The following NCR1 variants were observed in gnomAD, a reference collection of about 807,000 sequenced individuals.
The protein encoded by NCR1 is natural cytotoxicity triggering receptor 1.
In NCR1, 30 loss-of-function variants were observed where a neutral mutation model predicts 32.5. The ratio of observed to expected loss-of-function variants is 0.92; its 90% CI spans 0.69 to 1.25. The LOEUF (loss-of-function observed/expected upper bound fraction) is 1.25. Among genes scored for constraint, NCR1 ranks in the 50% most tolerant of loss-of-function variants. NCR1 has a pLI of 0.00. For missense variants in NCR1, 369 were observed against 380.7 expected (o/e 0.97, Z 0.26); for synonymous variants, 169 against 143.4 (o/e 1.18, Z -1.28).
intron 5 of NCR1, among the ~76,000 whole-genome samples, chr19:54,910,802 T>C (rs587742239): frequency 2.0e-5 from 3 of 152,218 alleles, no homozygotes; most frequent in South Asian, 2.1e-4. Context: ...AAATGGCAGC[T>C]AGCAATATTA....
At chr19:54,928,174 T>C in the NCR1 span, among the ~76,000 whole-genome samples, 84,099 of 151,686 alleles carry the variant, frequency 0.55, 23,532 homozygotes, top group East Asian at 0.72. Flanking sequence ...GAGCCCAGAT[T>C]GCGCCACTGC....
Position 54,907,512 on chromosome 19 carries a change from G to A in NCR1, c.355+705G>A, listed in dbSNP as rs1474640845. ...TTTTTTTTTTTTTAACAATATGGTT[G>A]TTTATTATTATTATCAAGTATTATA... On this transcript the variant is annotated intron_variant, in intron 3 of 6. Coordinates refer to ENST00000291890, the MANE Select transcript of NCR1 (RefSeq NM_004829.7). 2.1e-5 allele frequency among the ~76,000 whole-genome samples: 3 copies of A among 141,848 alleles called. No individual in the cohort carries two copies. The East Asian group carries it at 6.1e-4, about 29-fold the overall frequency. The allele number at this position is 141,848 out of a possible 152,430, so 93.1% of individuals were successfully genotyped here.
the NCR1 span, among the ~76,000 whole-genome samples, chr19:54,932,057 T>C: frequency 6.6e-6 from 1 of 152,146 alleles, no homozygotes; most frequent in Non-Finnish European, 1.5e-5. Flanking sequence ...ACATTCTACA[T>C]ATATAGGGGT....
chr19:54,936,121 C>T, the NCR1 span: 1 of 746,792 alleles, frequency 1.3e-6, no homozygotes, highest in Non-Finnish European at 2.4e-6. Context: ...GAGAGGCCGA[C>T]TCCCCCACAC....
chr19:54,917,322 A>C (rs1411839550), downstream of NCR1, among the ~76,000 whole-genome samples: 1 of 143,204 alleles, frequency 7.0e-6, no homozygotes, highest in Non-Finnish European at 1.5e-5. Flanking sequence ...AAAAAAAAAC[A>C]AAAACAAAAA....
intron 3 of NCR1, among the ~76,000 whole-genome samples, chr19:54,907,247 C>T (rs1477009173): frequency 6.6e-6 from 1 of 151,300 alleles, no homozygotes; most frequent in Non-Finnish European, 1.5e-5. Flanking sequence ...CCTCCACCTC[C>T]TGGGTTCAAG....
the NCR1 span, among the ~76,000 whole-genome samples, chr19:54,935,435 C>G: frequency 6.6e-6 from 1 of 152,070 alleles, no homozygotes; most frequent in Non-Finnish European, 1.5e-5. Flanking sequence ...GTGGTTCATG[C>G]CTGTAATCCT....
Position 54,906,351 on chromosome 19 carries a change from A to C in NCR1, c.70+17A>C, listed in dbSNP as rs1246550012. On this transcript the variant is annotated intron_variant, in intron 2 of 6. Transcript: ENST00000291890. ...CCCAGCAGCGTGAGTCCTTCCTTCA[A>C]AGCCCAGGGTCACTCTTCCGGATTC... 1 of 1,612,716 alleles carries C rather than the reference A, an allele frequency of 6.2e-7. No individual in the cohort carries two copies. Among genetic ancestry groups the C allele is most frequent in the Admixed American group, 1.7e-5 (1 of 60,004 alleles).
In NCR1 at chr19:54,913,003, T is replaced by A; in HGVS notation, c.*132T>A. 2.5e-6 allele frequency: 2 copies of A among 810,028 alleles called. No individual in the cohort carries two copies. The highest frequency in any genetic ancestry group is 1.9e-6 in the Non-Finnish European group (1 of 525,128). The allele number at this position is 810,028 out of a possible 1,614,324, so 50.2% of individuals were successfully genotyped here. The stretch of plus-strand genomic sequence containing the variant: ...GAAAGAGGGACACTGGCATTCCATT[T>A]GTCAGAGCATCCCGGACGATGCAGA... On this transcript the variant is annotated 3_prime_UTR_variant, in exon 7 of 7. Coordinates refer to ENST00000291890, the MANE Select transcript of NCR1 (RefSeq NM_004829.7).
the NCR1 span, among the ~76,000 whole-genome samples, chr19:54,928,214 C>T: frequency 6.6e-6 from 1 of 152,096 alleles, no homozygotes; most frequent in Admixed American, 6.6e-5. Context: ...AATGAGACTC[C>T]ATCTCACAAA....
chr19:54,914,753 T>C (rs2068098868), downstream of NCR1, among the ~76,000 whole-genome samples: 1 of 151,884 alleles, frequency 6.6e-6, no homozygotes, highest in Non-Finnish European at 1.5e-5. Flanking sequence ...CTTTTTTTTT[T>C]TTTTTTGAGA....
At chr19:54,898,317 C>A in the NCR1 span, among the ~76,000 whole-genome samples, 3 of 152,178 alleles carry the variant, frequency 2.0e-5, no homozygotes, top group African/African-American at 7.2e-5. Flanking sequence ...CATTCCTTGG[C>A]CCAGTGGCCA....
At chr19:54,921,629 A>G in the NCR1 span, among the ~76,000 whole-genome samples, 2 of 151,968 alleles carry the variant, frequency 1.3e-5, no homozygotes, top group African/African-American at 4.8e-5. Context: ...AAAATTAGCC[A>G]GGCATGGTGA....
the NCR1 span, chr19:54,938,172 G>T: frequency 3.1e-6 from 5 of 1,614,092 alleles, no homozygotes; most frequent in Admixed American, 1.7e-5. Context: ...AGAGAGAGCA[G>T]AAATCTGTCC....
At chr19:54,900,920 A>C in the NCR1 span, among the ~76,000 whole-genome samples, 12 of 151,942 alleles carry the variant, frequency 7.9e-5, no homozygotes, top group Non-Finnish European at 1.6e-4. Context: ...AATTTAAACC[A>C]TTGAATTATG....
chr19:54,914,000 G>A (rs1016337829), downstream of NCR1, among the ~76,000 whole-genome samples: 8 of 151,062 alleles, frequency 5.3e-5, no homozygotes, highest in African/African-American at 9.7e-5. Context: ...CCCGGGAGGC[G>A]GAGGCTGCAG....
At chr19:54,933,635 C>T in the NCR1 span, 11 of 1,614,168 alleles carry the variant, frequency 6.8e-6, no homozygotes, top group Admixed American at 1.5e-4. Context: ...CCCTGTATCC[C>T]CAATGGGGTT....
At chr19:54,907,142 G>A (rs587683121) in intron 3 of NCR1, among the ~76,000 whole-genome samples, 30 of 151,268 alleles carry the variant, frequency 2.0e-4, no homozygotes, top group African/African-American at 6.8e-4. Context: ...CCCATCACAG[G>A]TGGTGGGTTT....
At chr19:54,899,036 G>T in the NCR1 span, among the ~76,000 whole-genome samples, 2 of 152,102 alleles carry the variant, frequency 1.3e-5, no homozygotes, top group Non-Finnish European at 2.9e-5. Context: ...GCGATGCTTG[G>T]GGTTGGGACT....
Sources: gnomAD v4.1 joint callset for allele counts (sites outside exome capture counted in the v4.1 genomes callset) on GRCh38, gnomAD v4.1.1 for gene constraint, MANE v1.5 for transcripts, NCBI Gene and HGNC (gene_info 2026-07-23, HGNC 2026-07-21) for gene names.